Variants in CDKAL1 observed in about 807,000 individuals in gnomAD.
The protein encoded by CDKAL1 is threonylcarbamoyladenosine tRNA methylthiotransferase.
CDKAL1 carries 32 observed loss-of-function variants against 68.2 expected under a neutral mutation model. The ratio of observed to expected loss-of-function variants is 0.47; its 90% CI spans 0.35 to 0.63. CDKAL1 has a LOEUF of 0.63. Among genes scored for constraint, CDKAL1 ranks in the 30% least tolerant of loss-of-function variants. CDKAL1 has a pLI of 0.00. For synonymous variants in CDKAL1, 234 were observed against 244.3 expected, an observed-to-expected ratio of 0.96 and a Z score of 0.39; for missense variants, 606 against 696.7, an observed-to-expected ratio of 0.87 and a Z score of 1.47.
rs70990084 is a variant in CDKAL1 at position 20,942,953 on chromosome 6, C to CAAA, written c.743-12452_743-12450dup. Among the ~76,000 whole-genome samples, 615 of 113,242 alleles carry CAAA rather than the reference C, an allele frequency of 5.4e-3. 5 individuals carry two copies. Among genetic ancestry groups the CAAA allele is most frequent in the South Asian group, 0.018 (58 of 3,226 alleles). 74.3% of individuals were successfully genotyped at this position (113,242 alleles called of 152,430 possible). The stretch of plus-strand genomic sequence containing the variant: ...CTGGTGACAGAGCAAGATTCTGTCT[C>CAAA]AAAAAAAAAAAAAAAAGATTAAAAA... On this transcript the variant is annotated intron_variant, in intron 9 of 15. Coordinates refer to ENST00000274695, the MANE Select transcript of CDKAL1 (RefSeq NM_017774.3).
intron 11 of CDKAL1, among the ~76,000 whole-genome samples, chr6:21,064,041 A>G (rs1771284186): frequency 6.6e-6 from 1 of 152,214 alleles, no homozygotes; most frequent in Non-Finnish European, 1.5e-5. Flanking sequence ...AGAAGTGCGC[A>G]TCCAAGTTAA....
At chr6:20,740,973 AT>A (rs755139824) in intron 6 of CDKAL1, among the ~76,000 whole-genome samples, 6 of 152,184 alleles carry the variant, frequency 3.9e-5, no homozygotes, top group Non-Finnish European at 5.9e-5. Flanking sequence ...TAGAGATGGA[AT>A]GTGGTAAAAA....
chr6:20,795,599 T>C (rs1776077604), intron 8 of CDKAL1, among the ~76,000 whole-genome samples: 1 of 152,224 alleles, frequency 6.6e-6, no homozygotes, highest in African/African-American at 2.4e-5. Flanking sequence ...AATGCCATCA[T>C]TGATTGACTT....
chr6:20,780,507 C>A (rs1475807031), intron 7 of CDKAL1, among the ~76,000 whole-genome samples: 1 of 152,130 alleles, frequency 6.6e-6, no homozygotes, highest in African/African-American at 2.4e-5. Context: ...AGTGCCCAAG[C>A]AAACCCTTCC....
chr6:20,628,153 G>T (rs1767514147), intron 4 of CDKAL1, among the ~76,000 whole-genome samples: 1 of 152,016 alleles, frequency 6.6e-6, no homozygotes, highest in Non-Finnish European at 1.5e-5. Flanking sequence ...GGTGAGGGTG[G>T]TCATCCCTAC....
intron 13 of CDKAL1, among the ~76,000 whole-genome samples, chr6:21,151,978 T>TCC (rs1776432524): frequency 6.6e-6 from 1 of 152,230 alleles, no homozygotes; most frequent in Non-Finnish European, 1.5e-5. Context: ...ACTTGCTCCA[T>TCC]CCTTACTCCT....
chr6:20,814,521 C>T (rs972902113), intron 8 of CDKAL1, among the ~76,000 whole-genome samples: 11 of 152,150 alleles, frequency 7.2e-5, no homozygotes, highest in African/African-American at 2.4e-4. Flanking sequence ...TTCGGGTGAT[C>T]CACCTGCGTC....
chr6:21,094,615 C>T (rs1482536623), intron 12 of CDKAL1, among the ~76,000 whole-genome samples: 1 of 152,058 alleles, frequency 6.6e-6, no homozygotes, highest in African/African-American at 2.4e-5. Flanking sequence ...GCTTCCTCTA[C>T]AATAAATAGA....
intron 11 of CDKAL1, among the ~76,000 whole-genome samples, chr6:21,041,574 T>C (rs1379178241): frequency 1.5e-5 from 2 of 135,774 alleles, no homozygotes; most frequent in Non-Finnish European, 3.2e-5. Context: ...CTATCTTAGA[T>C]TTTTTTTTTC....
chr6:21,159,644 T>C (rs1562080971), intron 13 of CDKAL1, among the ~76,000 whole-genome samples: 1 of 152,260 alleles, frequency 6.6e-6, no homozygotes, highest in Non-Finnish European at 1.5e-5. Context: ...CAGTCAGATC[T>C]GTACTAAGTT....
intron 4 of CDKAL1, among the ~76,000 whole-genome samples, chr6:20,585,245 G>T (rs1173256364): frequency 6.6e-6 from 1 of 151,802 alleles, no homozygotes; most frequent in Non-Finnish European, 1.5e-5. Flanking sequence ...GTAGAGATGG[G>T]GTTTCACCGT....
intron 9 of CDKAL1, among the ~76,000 whole-genome samples, chr6:20,914,255 A>AC (rs1363060644): frequency 3.3e-5 from 5 of 152,084 alleles, no homozygotes; most frequent in African/African-American, 1.2e-4. Context: ...GTGCCACTGC[A>AC]CTCCCGCCTG....
intron 8 of CDKAL1, among the ~76,000 whole-genome samples, chr6:20,827,291 A>G (rs555114467): frequency 6.6e-6 from 1 of 152,100 alleles, no homozygotes; most frequent in Non-Finnish European, 1.5e-5. Context: ...AGTAGTACCT[A>G]CCACATGGGG....
intron 8 of CDKAL1, among the ~76,000 whole-genome samples, chr6:20,836,888 A>G (rs1397944856): frequency 5.9e-5 from 9 of 152,124 alleles, no homozygotes; most frequent in African/African-American, 2.2e-4. Flanking sequence ...GTTTCTTCTC[A>G]TGGATATTTG....
At chr6:20,676,698 T>TAAATAAATAAATAAATA (rs1554175381) in intron 5 of CDKAL1, among the ~76,000 whole-genome samples, 2 of 80,752 alleles carry the variant, frequency 2.5e-5, no homozygotes, top group Non-Finnish European at 2.4e-5. Context: ...AATAAATAAA[T>TAAATAAATAAATAAATA]AAATAAAATA....
At chr6:21,170,624 G>A (rs183447351) in intron 13 of CDKAL1, among the ~76,000 whole-genome samples, 65 of 152,180 alleles carry the variant, frequency 4.3e-4, no homozygotes, top group Admixed American at 2.1e-3. Flanking sequence ...CACCACGCCC[G>A]ACCGTACTTA....
chr6:21,160,277 A>G (rs1407732936), intron 13 of CDKAL1, among the ~76,000 whole-genome samples: 1 of 151,902 alleles, frequency 6.6e-6, no homozygotes. Flanking sequence ...TTCGAATGGG[A>G]AATAAAGATT....
intron 13 of CDKAL1, among the ~76,000 whole-genome samples, chr6:21,153,270 G>A (rs79914878): frequency 2.7e-3 from 341 of 127,296 alleles, no homozygotes; most frequent in South Asian, 5.9e-3. Flanking sequence ...ATCGTTAAGC[G>A]TTTAACCATG....
intron 9 of CDKAL1, among the ~76,000 whole-genome samples, chr6:20,954,763 A>G (rs1441458150): frequency 6.6e-6 from 1 of 152,214 alleles, no homozygotes; most frequent in Non-Finnish European, 1.5e-5. Context: ...AAGAATATAT[A>G]TACATTTTCC....
Sources: gnomAD v4.1 joint callset for allele counts (sites outside exome capture counted in the v4.1 genomes callset) on GRCh38, gnomAD v4.1.1 for gene constraint, MANE v1.5 for transcripts, NCBI Gene and HGNC (gene_info 2026-07-23, HGNC 2026-07-21) for gene names.